The following SLITRK1 variants were observed in gnomAD, a reference collection of about 807,000 sequenced individuals.
The protein encoded by SLITRK1 is SLIT and NTRK like family member 1.
SLITRK1 carries 10 observed loss-of-function variants against 42.4 expected under a neutral mutation model. The ratio of observed to expected loss-of-function variants is 0.24; its 90% confidence interval spans 0.15 to 0.40. The LOEUF is 0.40. Ranked by LOEUF, SLITRK1 falls within the 10% of genes least tolerant of loss-of-function variation. The probability of loss-of-function intolerance (pLI) is 1.00; values close to 1 mark genes in which losing one functional copy is unlikely to be tolerated. For synonymous variants in SLITRK1, 389 were observed against 365.7 expected (o/e 1.06, Z -0.73); for missense variants, 778 against 848.8 (o/e 0.92, Z 1.04).
Position 83,879,459 on chromosome 13 carries a change from G to T in SLITRK1, c.2049C>A (p.Ala683=). The T allele has an allele frequency of 6.2e-7, 1 of 1,613,788 alleles. No homozygotes were observed. The highest frequency in any genetic ancestry group is 8.5e-7 in the Non-Finnish European group (1 of 1,180,002). ...WHNGPYNADG[A]HRVYDCGSHS... is the part of the protein sequence containing the mutation. The stretch of plus-strand genomic sequence containing the variant: ...GAGAGCCACAGTCATACACTCTGTG[G>T]GCCCCATCTGCGTTGTAAGGCCCAT... Residue 683 remains alanine (A), a synonymous_variant, in exon 2 of 2, where the codon GCC becomes GCA. Coordinates refer to ENST00000674365, the MANE Select transcript of SLITRK1 (RefSeq NM_001281503.2).
chr13:83,881,217 G>A lies in SLITRK1; in HGVS notation c.291C>T (p.Ile97=). ...LHMENNGLHE[I]VPGAFLGLQL... is the part of the protein sequence containing the mutation. ...GCAGCCCCAGAAAAGCCCCCGGAAC[G>A]ATTTCATGCAAGCCATTGTTTTCCA... Residue 97 remains isoleucine, a synonymous_variant, in exon 2 of 2, where the codon ATC becomes ATT. Coordinates refer to ENST00000674365, the MANE Select transcript of SLITRK1 (RefSeq NM_001281503.2). 6.2e-7 allele frequency: 1 copy of A among 1,614,116 alleles called. No individual in the cohort carries two copies. The highest frequency in any genetic ancestry group is 8.5e-7 in the Non-Finnish European group (1 of 1,180,038).
At position 83,880,112 on chromosome 13, in the gene SLITRK1, T is replaced by G; in HGVS notation, c.1396A>C (p.Thr466Pro). 6.2e-7 allele frequency: 1 copy of G among 1,613,912 alleles called. No individual in the cohort carries two copies. The change falls in exon 2 of 2, where the codon ACT becomes CCT. Residue 466 changes from threonine (T) to proline (P), a missense_variant. Around this residue, in one of 4 missense-constraint regions of SLITRK1, gnomAD observed 395 missense variants for 360.4 expected, o/e 1.10. Coordinates refer to ENST00000674365, the MANE Select transcript of SLITRK1 (RefSeq NM_001281503.2). ...CTCAGTTTGGGCATGGCATTGAAAG[T>G]GCCCGGGAGGATGAGCTGGATAGCG... is the stretch of plus-strand genomic sequence containing the variant. ...YNAIQLILPG[T>P]FNAMPKLRIL... is the part of the protein sequence containing the mutation.
In SLITRK1 at chr13:83,880,369, A is replaced by T; in HGVS notation, c.1139T>A (p.Leu380His). 6.2e-7 allele frequency: 1 copy of T among 1,613,792 alleles called. No homozygotes were observed. Among genetic ancestry groups the T allele is most frequent in the Non-Finnish European group, 8.5e-7 (1 of 1,180,006 alleles). Residue 380 changes from leucine (L) to histidine (H), a missense_variant, in exon 2 of 2, where the codon CTT becomes CAT. By Grantham distance (99) the Leu-to-His change is moderately conservative (BLOSUM62 -3). Transcript: ENST00000674365. ...LKPKLSNVQE[L>H]FLRDNKIHSI... ...GTGGATCTTGTTATCTCGTAGGAAA[A>T]GCTCCTGCACGTTAGAGAGCTTGGG...
In SLITRK1 at chr13:83,880,196, G is replaced by A. The variant is rs748718393; in HGVS notation, c.1312C>T (p.Leu438=). The change falls in exon 2 of 2, where the codon CTG becomes TTG. Residue 438 remains leucine (L), a synonymous_variant. Coordinates refer to ENST00000674365, the MANE Select transcript of SLITRK1 (RefSeq NM_001281503.2). ...LYMDSNYLDT[L]SREKFAGLQN... ...AGCCCCGCGAATTTCTCCCGGGACAGCGTGTCCAGGTAATTGCTATCCATG... is the reference window on the plus strand; with the variant it reads ...AGCCCCGCGAATTTCTCCCGGGACAACGTGTCCAGGTAATTGCTATCCATG... 1.2e-5 allele frequency: 20 copies of A among 1,613,972 alleles called. No individual in the cohort carries two copies. The highest frequency in any genetic ancestry group is 5.1e-6 in the Non-Finnish European group (6 of 1,180,036).
In SLITRK1 at chr13:83,880,873, T is replaced by G. The variant is rs1884799534; in HGVS notation, c.635A>C (p.Asn212Thr). 6.2e-7 allele frequency: 1 copy of G among 1,613,912 alleles called. No individual in the cohort carries two copies. Among genetic ancestry groups the G allele is most frequent in the Admixed American group, 1.7e-5 (1 of 59,988 alleles). ...PGIAEILLED[N>T]PWDCTCDLLS... ...CAGATCACAGGTGCAGTCCCAAGGG[T>G]TATCCTCTAGCAGGATCTCCGCAAT... Residue 212 changes from asparagine (N) to threonine (T), a missense_variant, in exon 2 of 2, where the codon AAC becomes ACC. Physicochemically the swap from Asn to Thr is moderately conservative, Grantham distance 65 (BLOSUM62 0). Transcript: ENST00000674365.
At position 83,879,452 on chromosome 13, in the gene SLITRK1, C is replaced by T; in HGVS notation, c.2056G>A (p.Val686Met). 2 of 1,613,834 alleles carry T rather than the reference C, an allele frequency of 1.2e-6. No individual in the cohort carries two copies. The highest frequency in any genetic ancestry group is 1.7e-6 in the Non-Finnish European group (2 of 1,180,030). ...GPYNADGAHR[V>M]YDCGSHSLSD ...AGCGAGTGAGAGCCACAGTCATACA[C>T]TCTGTGGGCCCCATCTGCGTTGTAA... is the stretch of plus-strand genomic sequence containing the variant. The change falls in exon 2 of 2, where the codon GTG becomes ATG. Residue 686 changes from valine to methionine, a missense_variant. Around this residue, in one of 4 missense-constraint regions of SLITRK1, gnomAD observed 164 missense variants for 158.2 expected, o/e 1.04. Transcript: ENST00000674365.
Position 83,878,660 on chromosome 13 carries a change from C to A in SLITRK1, c.*757G>T, listed in dbSNP as rs1296324232. The A allele has an allele frequency of 6.6e-6, 1 of 152,650 alleles. No homozygotes were observed. The highest frequency in any genetic ancestry group is 1.9e-4 in the East Asian group (1 of 5,194). The allele number at this position is 152,650 out of a possible 1,614,324, so 9.5% of individuals were successfully genotyped here. A position where few individuals can be genotyped will look rare whatever the true frequency, so the allele number is the denominator to read the frequency against. On this transcript the variant is annotated 3_prime_UTR_variant, in exon 2 of 2. Coordinates refer to ENST00000674365, the MANE Select transcript of SLITRK1 (RefSeq NM_001281503.2). ...ACTCATAAAATGGACTGATGACTAGCCATGCAAATGTCCTAAATAAAACCT... is the reference window on the plus strand; with the variant it reads ...ACTCATAAAATGGACTGATGACTAGACATGCAAATGTCCTAAATAAAACCT...
In SLITRK1 at chr13:83,879,396, T is replaced by C. The variant is rs1482706178; in HGVS notation, c.*21A>G. The C allele has an allele frequency of 1.9e-6, 3 of 1,611,456 alleles. No homozygotes were observed. Among genetic ancestry groups the C allele is most frequent in the Non-Finnish European group, 2.5e-6 (3 of 1,179,952 alleles). On this transcript the variant is annotated 3_prime_UTR_variant, in exon 2 of 2. Transcript: ENST00000674365. ...AGGATGTATCGCCTTCCCTCTGCCC[T>C]CCCCTATTGGGGTTGGGGTCTTAGT...
At position 83,880,663 on chromosome 13, in the gene SLITRK1, G is replaced by T; in HGVS notation, c.845C>A (p.Ala282Asp). 2 of 1,614,144 alleles carry T rather than the reference G, an allele frequency of 1.2e-6. No homozygotes were observed. Among genetic ancestry groups the T allele is most frequent in the South Asian group, 2.2e-5 (2 of 91,086 alleles). ...PAPPAQEETF[A>D]PGPLPTPFKT... ...GAAAGGAGTTGGCAGGGGTCCAGGA[G>T]CAAAGGTCTCTTCTTGGGCAGGGGG... Residue 282 changes from alanine (A) to aspartate (D), a missense_variant, in exon 2 of 2, where the codon GCT becomes GAT. By Grantham distance (126) the Ala-to-Asp change is moderately radical. Coordinates refer to ENST00000674365, the MANE Select transcript of SLITRK1 (RefSeq NM_001281503.2).
chr13:83,877,382 AT>A lies in SLITRK1; in HGVS notation c.*2034del, dbSNP rs1433884139. On this transcript the variant is annotated 3_prime_UTR_variant, in exon 2 of 2. Transcript: ENST00000674365. ...ATTTATAATCCTATATTAAAAAAAA[AT>A]CTATAGTCTGCAGTCTTTTGACATA... 1 of 149,100 alleles carries A rather than the reference AT, an allele frequency of 6.7e-6. No homozygotes were observed. Among genetic ancestry groups the A allele is most frequent in the Non-Finnish European group, 1.5e-5 (1 of 67,652 alleles). The allele number at this position is 149,100 out of a possible 1,614,324, so 9.2% of individuals were successfully genotyped here. A position where few individuals can be genotyped will look rare whatever the true frequency, so the allele number is the denominator to read the frequency against.
At position 83,880,179 on chromosome 13, in the gene SLITRK1, G is replaced by C. The variant is rs1168602318; in HGVS notation, c.1329C>G (p.Phe443Leu). The C allele has an allele frequency of 6.2e-7, 1 of 1,614,024 alleles. No individual in the cohort carries two copies. The highest frequency in any genetic ancestry group is 2.2e-5 in the East Asian group (1 of 44,848). ...NYLDTLSREK[F>L]AGLQNLEYLN... is the part of the protein sequence containing the mutation. Reference sequence around the variant, plus strand: ...GGTACTCTAGGTTTTGCAGCCCCGCGAATTTCTCCCGGGACAGCGTGTCCA... The same window carrying C: ...GGTACTCTAGGTTTTGCAGCCCCGCCAATTTCTCCCGGGACAGCGTGTCCA... Residue 443 changes from phenylalanine (F) to leucine (L), a missense_variant, in exon 2 of 2, where the codon TTC (phenylalanine) becomes TTG (leucine). This residue lies in a region of SLITRK1 where 395 missense variants were observed against 360.4 expected (regional missense o/e 1.10). Transcript: ENST00000674365.
At position 83,880,411 on chromosome 13, in the gene SLITRK1, C is replaced by G; in HGVS notation, c.1097G>C (p.Ser366Thr). 1 of 1,613,958 alleles carries G rather than the reference C, an allele frequency of 6.2e-7. No homozygotes were observed. The change falls in exon 2 of 2, where the codon AGC (serine) becomes ACC (threonine). Residue 366 changes from serine (S) to threonine (T), a missense_variant. Ser to Thr is a moderately conservative substitution (Grantham distance 58). Coordinates refer to ENST00000674365, the MANE Select transcript of SLITRK1 (RefSeq NM_001281503.2). ...KMNCNNRNVSSLADLKPKLSN... is the reference protein window; with the variant it reads ...KMNCNNRNVSTLADLKPKLSN... ...GAGCTTGGGCTTCAAATCAGCCAAG[C>G]TGCTCACGTTCCTGTTGTTGCAGTT...
Position 83,879,867 on chromosome 13 carries a change from C to T in SLITRK1, c.1641G>A (p.Leu547=). The change falls in exon 2 of 2, where the codon TTG becomes TTA. Residue 547 remains leucine, a synonymous_variant. Transcript: ENST00000674365. ...GGTCGCTCATCAGCACTTCGGAACC[C>T]AAGCGTTCTGCCCACTGCTTGAAAG... ...IVPFKQWAER[L]GSEVLMSDLK... The T allele has an allele frequency of 2.5e-6, 4 of 1,614,120 alleles. No homozygotes were observed. The highest frequency in any genetic ancestry group is 2.7e-5 in the African/African-American group (2 of 75,046).
At position 83,877,442 on chromosome 13, in the gene SLITRK1, C is replaced by T. The variant is rs1010755355; in HGVS notation, c.*1975G>A. 1.3e-5 allele frequency: 2 copies of T among 152,106 alleles called. No homozygotes were observed. The highest frequency in any genetic ancestry group is 2.4e-5 in the African/African-American group (1 of 41,408). 9.4% of individuals were successfully genotyped at this position (152,106 alleles called of 1,614,324 possible). On this transcript the variant is annotated 3_prime_UTR_variant, in exon 2 of 2. Coordinates refer to ENST00000674365, the MANE Select transcript of SLITRK1 (RefSeq NM_001281503.2). Reference sequence around the variant, plus strand: ...GGGTGGATATGTGGTGGAATGCAGACTCCATCAATATGTGTGGTTTTGTTT... The same window carrying T: ...GGGTGGATATGTGGTGGAATGCAGATTCCATCAATATGTGTGGTTTTGTTT...
chr13:83,880,607 G>T lies in SLITRK1; in HGVS notation c.901C>A (p.Pro301Thr), dbSNP rs1884791892. 6.2e-7 allele frequency: 1 copy of T among 1,614,032 alleles called. No homozygotes were observed. The highest frequency in any genetic ancestry group is 1.1e-5 in the South Asian group (1 of 91,088). ...KTNGQEDHAT[P>T]GSAPNGGTKI... ...GTACCTCCGTTTGGAGCAGACCCTG[G>T]TGTGGCATGATCCTCTTGCCCATTT... The change falls in exon 2 of 2, where the codon CCA becomes ACA. Residue 301 changes from proline (P) to threonine (T), a missense_variant. Physicochemically the swap from Pro to Thr is conservative, Grantham distance 38 (BLOSUM62 -1). Transcript: ENST00000674365.
In SLITRK1 at chr13:83,879,899, T is replaced by C; in HGVS notation, c.1609A>G (p.Ile537Val). The C allele has an allele frequency of 1.9e-6, 3 of 1,614,072 alleles. No homozygotes were observed. Among genetic ancestry groups the C allele is most frequent in the South Asian group, 2.2e-5 (2 of 91,078 alleles). ...TCTGCCCACTGCTTGAAAGGCACAATTGTGCAGGAGCACTCCCAGGGGTTT... is the reference window on the plus strand; with the variant it reads ...TCTGCCCACTGCTTGAAAGGCACAACTGTGCAGGAGCACTCCCAGGGGTTT... ...HGNPWECSCT[I>V]VPFKQWAERL... Residue 537 changes from isoleucine to valine, a missense_variant, in exon 2 of 2, where the codon ATT (isoleucine) becomes GTT (valine). Coordinates refer to ENST00000674365, the MANE Select transcript of SLITRK1 (RefSeq NM_001281503.2).
rs940613851 is a variant in SLITRK1 at position 83,881,528 on chromosome 13, C to T, written c.-21G>A. 5 of 1,613,776 alleles carry T rather than the reference C, an allele frequency of 3.1e-6. No individual in the cohort carries two copies. Among genetic ancestry groups the T allele is most frequent in the Non-Finnish European group, 4.2e-6 (5 of 1,179,998 alleles). ...AGCATTTTTAAAGCGAGCAATTCAT[C>T]CCCGATCTCATCACAAAGTAACAGC... On this transcript the variant is annotated 5_prime_UTR_variant, in exon 2 of 2. Transcript: ENST00000674365.
rs1322078421 is a variant in SLITRK1, at chr13:83,880,197, C to G, written c.1311G>C (p.Thr437=). 3 of 1,613,844 alleles carry G rather than the reference C, an allele frequency of 1.9e-6. No individual in the cohort carries two copies. The highest frequency in any genetic ancestry group is 2.5e-6 in the Non-Finnish European group (3 of 1,180,022). The part of the protein sequence containing the change: ...WLYMDSNYLD[T]LSREKFAGLQ... ...GCCCCGCGAATTTCTCCCGGGACAG[C>G]GTGTCCAGGTAATTGCTATCCATGT... Residue 437 remains threonine (T), a synonymous_variant, in exon 2 of 2, where the codon ACG becomes ACC. Transcript: ENST00000674365.
In SLITRK1 at chr13:83,881,081, G is replaced by A; in HGVS notation, c.427C>T (p.Arg143Ter). 1 of 1,614,004 alleles carries A rather than the reference G, an allele frequency of 6.2e-7. No homozygotes were observed. Among genetic ancestry groups the A allele is most frequent in the Non-Finnish European group, 8.5e-7 (1 of 1,180,020 alleles). Residue 143 changes from arginine (R) to a stop codon, truncating the protein, a stop_gained, in exon 2 of 2, where the codon CGA becomes TGA. Transcript: ENST00000674365. LOFTEE classifies it high-confidence loss of function. ...EYLQADFNLL[R>*]DIDPGAFQDL... ...TGGAAGGCCCCCGGGTCTATATCTC[G>A]TAATAAATTAAAATCAGCCTGGAGA...
Sources: allele counts gnomAD v4.1 joint callset, GRCh38; gene constraint gnomAD v4.1.1; regional missense constraint gnomAD v4.1.1; transcripts MANE v1.5; gene names NCBI Gene and HGNC (gene_info 2026-07-23, HGNC 2026-07-21).